Variants in PITPNM1 observed in about 807,000 individuals in gnomAD.
PITPNM1 encodes phosphatidylinositol transfer protein membrane associated 1.
In PITPNM1, 74 loss-of-function variants were observed where a neutral mutation model predicts 133.3. That is an observed-to-expected ratio of 0.56 (90% CI 0.46 to 0.67). The LOEUF (loss-of-function observed/expected upper bound fraction) is 0.67, where lower values mean the gene tolerates loss of function less well. Ranked by LOEUF, PITPNM1 falls within the 30% of genes least tolerant of loss-of-function variation. PITPNM1 has a pLI of 0.00. For missense variants in PITPNM1, 1,398 were observed against 1,739.5 expected, an observed-to-expected ratio of 0.80 and a Z score of 3.49; for synonymous variants, 738 against 741.4, an observed-to-expected ratio of 1.00 and a Z score of 0.08.
rs1866346122 is a variant in PITPNM1, at chr11:67,502,233, C to A, written c.415+59G>T. 1.9e-6 allele frequency: 3 copies of A among 1,588,562 alleles called. No individual in the cohort carries two copies. Among genetic ancestry groups the A allele is most frequent in the Middle Eastern group, 1.7e-4 (1 of 5,828 alleles). ...GCTGGGACTTCTCAGAGGCTGCCCA[C>A]TGAGGCAGCCAGGAGCCTGAGAGGG... On this transcript the variant is annotated intron_variant, in intron 4 of 23. Transcript: ENST00000356404. The surrounding 1 kb of genome is among the most constrained non-coding windows in gnomAD (Gnocchi z 5.9).
At chr11:67,495,905 A>C (rs1324104181) in intron 15 of PITPNM1, among the ~76,000 whole-genome samples, 2 of 152,200 alleles carry the variant, frequency 1.3e-5, no homozygotes, top group Non-Finnish European at 1.5e-5. Context: ...AGCAGCGCAC[A>C]CATGCTGGCT....
At chr11:67,493,378 T>G (rs771054555) in intron 22 of PITPNM1, 32 bp downstream of exon 22, 1 of 1,525,906 alleles carries the variant, frequency 6.6e-7, no homozygotes, top group Non-Finnish European at 8.9e-7. Context: ...GGGGGCGGGG[T>G]CAGGACCCGG....
intron 18 of PITPNM1, 90 bp from the exon 19 acceptor site, chr11:67,494,450 C>T (rs1225704478): frequency 3.6e-5 from 10 of 280,060 alleles, no homozygotes; most frequent in Admixed American, 6.6e-5. Flanking sequence ...ACGCAAACAC[C>T]GGGGTGGGGG....
In PITPNM1 at chr11:67,492,201, C is replaced by G. The variant is rs201172074; in HGVS notation, c.3567G>C (p.Lys1189Asn). ...CGGGGGCAGCCACACCATAGCTGCT[C>G]TTGCCCAAGGCAGCTCTCGGGGGTC... ...SSGPPRAALG[K>N]SSYGVAAPVD... The change falls in exon 24 of 24, where the codon AAG (lysine) becomes AAC (asparagine). Residue 1189 changes from lysine (K) to asparagine (N), a missense_variant. By Grantham distance (94) the Lys-to-Asn change is moderately conservative (BLOSUM62 0). Coordinates refer to ENST00000356404, the MANE Select transcript of PITPNM1 (RefSeq NM_004910.3). The G allele has an allele frequency of 6.8e-6, 11 of 1,611,124 alleles. No homozygotes were observed. The Admixed American group carries it at 1.8e-4, about 27-fold the overall frequency.
chr11:67,502,706 C>G lies in PITPNM1; in HGVS notation c.91G>C (p.Glu31Gln), dbSNP rs1308819272. The G allele has an allele frequency of 3.7e-6, 6 of 1,612,444 alleles. No homozygotes were observed. The South Asian group carries it at 5.5e-5, about 15-fold the overall frequency. ...QLYMIQKKSR[E>Q]ESSGEGSGVE... The stretch of plus-strand genomic sequence containing the variant: ...CCGCTGCCCTCACCACTAGACTCCT[C>G]CCGGCTCTTTTTCTGTGGCCCAAGG... Residue 31 changes from glutamate (E) to glutamine (Q), a missense_variant, in exon 3 of 24, where the codon GAG (glutamate) becomes CAG (glutamine). Coordinates refer to ENST00000356404, the MANE Select transcript of PITPNM1 (RefSeq NM_004910.3). This position sits in a 1 kb window ranked among gnomAD's most constrained non-coding sequence, Gnocchi z 5.9.
chr11:67,501,582 T>C (rs1866322501), intron 5 of PITPNM1, among the ~76,000 whole-genome samples: 1 of 152,220 alleles, frequency 6.6e-6, no homozygotes, highest in African/African-American at 2.4e-5. Context: ...CTAAGTCTCA[T>C]CTAACTCATA....
In PITPNM1 at chr11:67,504,636, C is replaced by T. The variant is rs1866440687; in HGVS notation, c.-41-415G>A. On this transcript the variant is annotated intron_variant, in intron 1 of 23. Coordinates refer to ENST00000356404, the MANE Select transcript of PITPNM1 (RefSeq NM_004910.3). This position sits in a 1 kb window ranked among gnomAD's most constrained non-coding sequence, Gnocchi z 5.4. The stretch of plus-strand genomic sequence containing the variant: ...CCTTCCGCGACCGGCCCCTCGGGGA[C>T]CCGCCCCTTGCATCCCCTTCCCGGA... The T allele has an allele frequency of 6.6e-6, 1 of 152,182 alleles. No homozygotes were observed. The allele number at this position is 152,182 out of a possible 1,614,324, so 9.4% of individuals were successfully genotyped here. A position where few individuals can be genotyped will look rare whatever the true frequency, so the allele number is the denominator to read the frequency against.
At position 67,504,368 on chromosome 11, in the gene PITPNM1, C is replaced by G. The variant is rs920902045; in HGVS notation, c.-41-147G>C. 1.2e-4 allele frequency: 32 copies of G among 275,874 alleles called. No homozygotes were observed. Among genetic ancestry groups the G allele is most frequent in the South Asian group, 1.7e-4 (1 of 6,036 alleles). 17.1% of individuals were successfully genotyped at this position (275,874 alleles called of 1,614,324 possible). A position where few individuals can be genotyped will look rare whatever the true frequency, so the allele number is the denominator to read the frequency against. The stretch of plus-strand genomic sequence containing the variant: ...GAGGCGAGCCTAGCACCGCCGCCCG[C>G]GCCGCCGGGGCCGGGAGCCGCAGCG... On this transcript the variant is annotated intron_variant, in intron 1 of 23. Coordinates refer to ENST00000356404, the MANE Select transcript of PITPNM1 (RefSeq NM_004910.3). The surrounding 1 kb of genome is among the most constrained non-coding windows in gnomAD (Gnocchi z 5.4).
At chr11:67,496,635 AT>A (rs1235496673) in intron 14 of PITPNM1, 1 of 411,014 alleles carries the variant, frequency 2.4e-6, no homozygotes, top group Non-Finnish European at 4.3e-6. Context: ...CCCCGTCTCC[AT>A]TAAAAATACA....
chr11:67,497,864 G>A (rs117029606), intron 12 of PITPNM1, 53 bp downstream of exon 12: 2 of 1,553,778 alleles, frequency 1.3e-6, no homozygotes, highest in Admixed American at 1.7e-5. Flanking sequence ...CAGAGACCTA[G>A]AGCCAGAGAG....
In PITPNM1 at chr11:67,502,099, G is replaced by A. The variant is rs1399367432; in HGVS notation, c.416-13C>T. 6.2e-6 allele frequency: 10 copies of A among 1,607,242 alleles called. No homozygotes were observed. The highest frequency in any genetic ancestry group is 4.5e-5 in the East Asian group (2 of 44,770). The stretch of plus-strand genomic sequence containing the variant: ...ATGTCGATGGTGTCTGAGGGAGTTC[G>A]GCAAGCATTGAGCAGCGCCAGCCCC... On this transcript the variant is annotated splice_polypyrimidine_tract_variant and intron_variant, in intron 4 of 23. Transcript: ENST00000356404. This position sits in a 1 kb window ranked among gnomAD's most constrained non-coding sequence, Gnocchi z 5.9.
intron 8 of PITPNM1, 188 bp downstream of exon 8, chr11:67,499,535 T>C (rs914452159): frequency 8.0e-6 from 1 of 124,438 alleles, no homozygotes; most frequent in African/African-American, 3.1e-5. Flanking sequence ...GAATCATGAC[T>C]ACATTCTAAT....
rs1437413181 is a variant in PITPNM1, at chr11:67,498,585, G to T, written c.1484+11C>A. 3 of 1,591,974 alleles carry T rather than the reference G, an allele frequency of 1.9e-6. No individual in the cohort carries two copies. In the South Asian group the frequency reaches 3.3e-5, roughly 18 times the overall value. On this transcript the variant is annotated intron_variant, in intron 10 of 23. Coordinates refer to ENST00000356404, the MANE Select transcript of PITPNM1 (RefSeq NM_004910.3). This position sits in a 1 kb window ranked among gnomAD's most constrained non-coding sequence, Gnocchi z 5.7. ...CTACGAGTTCCCTGCCCTTCCACCC[G>T]TGGCTAGTACTTGGAGACAAGGGCA... is the stretch of plus-strand genomic sequence containing the variant.
rs550316747 is a variant in PITPNM1, at chr11:67,497,421, G to A, written c.1956C>T (p.Pro652=). The change falls in exon 14 of 24, where the codon CCC becomes CCT. Residue 652 remains proline, a synonymous_variant. Transcript: ENST00000356404. The stretch of plus-strand genomic sequence containing the variant: ...GGGGCTCCCAGGAGGAGGTGGTTGC[G>A]GGGGCTGCCTGAAGGCTGTGGGGGA... The part of the protein sequence containing the change: ...EGSQNSLQAA[P]ATTSSWEPRR... 1.7e-5 allele frequency: 27 copies of A among 1,589,372 alleles called. No individual in the cohort carries two copies. The highest frequency in any genetic ancestry group is 1.2e-4 in the South Asian group (11 of 89,190).
At chr11:67,497,829 G>A in intron 12 of PITPNM1, 88 bp downstream of exon 12, 2 of 1,474,534 alleles carry the variant, frequency 1.4e-6, no homozygotes, top group South Asian at 1.2e-5. Flanking sequence ...CCTGCCTGCT[G>A]GCAGAGGGGT....
rs1251403014 is a variant in PITPNM1, at chr11:67,504,502, G to C, written c.-41-281C>G. On this transcript the variant is annotated intron_variant, in intron 1 of 23. Coordinates refer to ENST00000356404, the MANE Select transcript of PITPNM1 (RefSeq NM_004910.3). This position sits in a 1 kb window ranked among gnomAD's most constrained non-coding sequence, Gnocchi z 5.4. ...CCCGGAGCGCCAGGCTCCGGCCGGC[G>C]GGCGGGAGGGCCACCTCACCTCTCC... is the stretch of plus-strand genomic sequence containing the variant. 1 of 152,394 alleles carries C rather than the reference G, an allele frequency of 6.6e-6. No homozygotes were observed. The highest frequency in any genetic ancestry group is 1.5e-5 in the Non-Finnish European group (1 of 68,240). The allele number at this position is 152,394 out of a possible 1,614,324, so 9.4% of individuals were successfully genotyped here.
intron 6 of PITPNM1, 31 bp downstream of exon 6, chr11:67,500,064 C>T (rs202153024): frequency 9.4e-6 from 15 of 1,602,328 alleles, no homozygotes; most frequent in East Asian, 6.7e-5. Flanking sequence ...TGGGGAGGGC[C>T]GTTCCTCCCA....
chr11:67,499,561 C>CCACCCAACCATT, intron 8 of PITPNM1, 162 bp downstream of exon 8: 1 of 92,696 alleles, frequency 1.1e-5, no homozygotes, highest in Non-Finnish European at 1.8e-5. Context: ...ATCCATCCAC[C>CCACCCAACCATT]CATCCATCCA....
At chr11:67,499,388 T>TA (rs1866239076) in intron 8 of PITPNM1, among the ~76,000 whole-genome samples, 1 of 151,632 alleles carries the variant, frequency 6.6e-6, no homozygotes, top group African/African-American at 2.4e-5. Flanking sequence ...CTGGTGGTTA[T>TA]TGCCTTGGGC....
Sources: allele counts gnomAD v4.1 joint callset (sites outside exome capture counted in the v4.1 genomes callset), GRCh38; gene constraint gnomAD v4.1.1; non-coding constraint Gnocchi (gnomAD v3.1); transcripts MANE v1.5; gene names NCBI Gene and HGNC (gene_info 2026-07-23, HGNC 2026-07-21).